Variants in ZFHX3 observed in about 807,000 individuals in gnomAD.
ZFHX3 encodes the protein zinc finger homeobox 3, also known as zinc finger homeobox protein 3.
Under a neutral mutation model 279.1 loss-of-function variants are expected in ZFHX3, and 42 were observed. The observed-to-expected ratio is 0.15, with a 90% confidence interval of 0.12 to 0.19. The LOEUF is 0.19. Among genes scored for constraint, ZFHX3 ranks in the 10% least tolerant of loss-of-function variants. The probability of loss-of-function intolerance (pLI) is 1.00; values close to 1 mark genes in which losing one functional copy is unlikely to be tolerated. For missense variants in ZFHX3, 4,981 were observed against 4,754.0 expected (o/e 1.05, Z -1.40); for synonymous variants, 2,293 against 1,957.8 (o/e 1.17, Z -4.52).
chr16:73,116,913 G>C (rs1966438940), intron 7 of ZFHX3, among the ~76,000 whole-genome samples: 1 of 152,224 alleles, frequency 6.6e-6, no homozygotes, highest in Non-Finnish European at 1.5e-5. Context: ...CTCCCGGCTT[G>C]TTCTGGTGAA....
intron 1 of ZFHX3, among the ~76,000 whole-genome samples, chr16:73,682,922 A>AAGAAAGAAAG (rs1567550627): frequency 1.8e-5 from 1 of 55,458 alleles, no homozygotes; most frequent in African/African-American, 1.0e-4. Context: ...GAAAGAGAGA[A>AAGAAAGAAAG]AGAGAAAGAA....
chr16:72,792,110 A>C (rs1377115307), intron 9 of ZFHX3, among the ~76,000 whole-genome samples: 2 of 152,202 alleles, frequency 1.3e-5, no homozygotes, highest in African/African-American at 4.8e-5. Flanking sequence ...CAATTTAGCA[A>C]AGATGGCTGG....
chr16:73,555,464 T>C (rs1567517680), intron 2 of ZFHX3, among the ~76,000 whole-genome samples: 1 of 151,568 alleles, frequency 6.6e-6, no homozygotes, highest in Admixed American at 6.6e-5. Flanking sequence ...GCCATGTTTG[T>C]ATTTTTAAGA....
intron 2 of ZFHX3, among the ~76,000 whole-genome samples, chr16:73,518,823 G>C (rs965456556): frequency 2.0e-5 from 3 of 152,122 alleles, no homozygotes; most frequent in African/African-American, 7.2e-5. Context: ...ATAGGCACTT[G>C]GTGACCAGTT....
chr16:73,068,589 G>A (rs977658295), intron 8 of ZFHX3, among the ~76,000 whole-genome samples: 11 of 152,212 alleles, frequency 7.2e-5, no homozygotes, highest in Non-Finnish European at 1.5e-4. Flanking sequence ...CCATACTAGG[G>A]AAGTTCATAC....
intron 5 of ZFHX3, among the ~76,000 whole-genome samples, chr16:73,201,479 G>T (rs1420344822): frequency 6.6e-6 from 1 of 152,178 alleles, no homozygotes; most frequent in African/African-American, 2.4e-5. Context: ...ACCCAAAGAG[G>T]CTTGATTAAT....
chr16:73,412,432 G>A (rs560389393), intron 3 of ZFHX3, among the ~76,000 whole-genome samples: 2 of 152,026 alleles, frequency 1.3e-5, no homozygotes, highest in South Asian at 4.2e-4. Flanking sequence ...TGCCATGGCA[G>A]ACCAGACCCT....
chr16:72,844,504 A>G (rs2037427657), intron 4 of ZFHX3, among the ~76,000 whole-genome samples: 1 of 151,936 alleles, frequency 6.6e-6, no homozygotes, highest in East Asian at 1.9e-4. Flanking sequence ...CCCAGCACAC[A>G]GCACACAGAC....
intron 5 of ZFHX3, among the ~76,000 whole-genome samples, chr16:73,192,337 C>A (rs941802893): frequency 6.6e-6 from 1 of 152,150 alleles, no homozygotes; most frequent in Non-Finnish European, 1.5e-5. Context: ...TTGAGAGGTG[C>A]TGAAACCCAA....
intron 3 of ZFHX3, among the ~76,000 whole-genome samples, chr16:73,358,098 C>T (rs1357162259): frequency 6.6e-6 from 1 of 152,224 alleles, no homozygotes; most frequent in African/African-American, 2.4e-5. Context: ...GCTAACTCTT[C>T]TGTATCTGTC....
chr16:73,685,308 G>A (rs763579737), intron 1 of ZFHX3, among the ~76,000 whole-genome samples: 4 of 152,160 alleles, frequency 2.6e-5, no homozygotes, highest in African/African-American at 9.7e-5. Flanking sequence ...GAGCCACCAC[G>A]CTCAGCCCAC....
chr16:73,631,729 A>C (rs1209267474), intron 2 of ZFHX3, among the ~76,000 whole-genome samples: 2 of 152,104 alleles, frequency 1.3e-5, no homozygotes, highest in East Asian at 1.9e-4. Flanking sequence ...AAATGGTGAA[A>C]CTCCGTCTGT....
At chr16:73,351,421 G>C (rs889408921) in intron 3 of ZFHX3, among the ~76,000 whole-genome samples, 1 of 152,166 alleles carries the variant, frequency 6.6e-6, no homozygotes, top group African/African-American at 2.4e-5. Context: ...GTCAGTTCAC[G>C]GCGGCCCCTG....
At chr16:72,938,373 G>A (rs1395248166) in intron 3 of ZFHX3, among the ~76,000 whole-genome samples, 2 of 152,264 alleles carry the variant, frequency 1.3e-5, no homozygotes, top group Non-Finnish European at 2.9e-5. Flanking sequence ...TGTGTAATTA[G>A]TCTCCCCTCA....
Position 72,946,694 on chromosome 16 carries a change from G to A in ZFHX3, c.3216+3775C>T, listed in dbSNP as rs796769954. Among the ~76,000 whole-genome samples, 47 of 152,276 alleles carry A rather than the reference G, an allele frequency of 3.1e-4. 1 individual carries two copies. Among genetic ancestry groups the A allele is most frequent in the African/African-American group, 9.4e-4 (39 of 41,552 alleles). On this transcript the variant is annotated intron_variant, in intron 3 of 9. Coordinates refer to ENST00000268489, the MANE Select transcript of ZFHX3 (RefSeq NM_006885.4). ...AGCTCTGAACCCACACGCCTCAGACGCAGGCTGTACACTAGCCGTGGGAGA... is the reference window on the plus strand; with the variant it reads ...AGCTCTGAACCCACACGCCTCAGACACAGGCTGTACACTAGCCGTGGGAGA...
intron 4 of ZFHX3, among the ~76,000 whole-genome samples, chr16:72,848,859 G>A (rs2037542127): frequency 6.6e-6 from 1 of 151,948 alleles, no homozygotes; most frequent in Non-Finnish European, 1.5e-5. Context: ...CGTCACCTTG[G>A]CATGCTGCCA....
At chr16:73,476,776 T>A (rs2143615610) in intron 2 of ZFHX3, among the ~76,000 whole-genome samples, 1 of 152,350 alleles carries the variant, frequency 6.6e-6, no homozygotes, top group African/African-American at 2.4e-5. Context: ...TTTTCAATGT[T>A]AAACTAACAA....
chr16:73,625,236 G>C (rs1046194697), intron 2 of ZFHX3, among the ~76,000 whole-genome samples: 2 of 152,178 alleles, frequency 1.3e-5, no homozygotes, highest in African/African-American at 4.8e-5. Flanking sequence ...TAAATTTTTA[G>C]AATGCTGCTG....
At chr16:73,792,864 CCT>C (rs1491182444) in intron 1 of ZFHX3, among the ~76,000 whole-genome samples, 132 of 147,936 alleles carry the variant, frequency 8.9e-4, no homozygotes, top group African/African-American at 2.4e-3. Flanking sequence ...GCACCCCCCC[CCT>C]CCCCTCTCTG....
Sources: gnomAD v4.1 joint callset for allele counts (sites outside exome capture counted in the v4.1 genomes callset) on GRCh38, gnomAD v4.1.1 for gene constraint, MANE v1.5 for transcripts, NCBI Gene and HGNC (gene_info 2026-07-23, HGNC 2026-07-21) for gene names.